Variants in SPRYD7 observed in about 807,000 individuals in gnomAD.
The protein encoded by SPRYD7 is SPRY domain-containing protein 7.
SPRYD7 carries 14 observed loss-of-function variants against 23.8 expected under a neutral mutation model. The ratio of observed to expected loss-of-function variants is 0.59; its 90% CI spans 0.39 to 0.92. The LOEUF (loss-of-function observed/expected upper bound fraction) is 0.92, where lower values mean the gene tolerates loss of function less well. Ranked by LOEUF, SPRYD7 falls within the 40% of genes least tolerant of loss-of-function variation. The pLI is 0.00. For missense variants in SPRYD7, 194 were observed against 241.7 expected (o/e 0.80, Z 1.31); for synonymous variants, 75 against 84.9 (o/e 0.88, Z 0.64).
chr13:49,935,443 T>C (rs541851134), intron 1 of SPRYD7, among the ~76,000 whole-genome samples: 1 of 152,222 alleles, frequency 6.6e-6, no homozygotes, highest in Admixed American at 6.5e-5. Flanking sequence ...TTAGATAAAT[T>C]ATATGGATTT....
intron 2 of SPRYD7, among the ~76,000 whole-genome samples, chr13:49,928,324 C>T (rs571478023): frequency 1.3e-5 from 2 of 152,142 alleles, no homozygotes; most frequent in East Asian, 3.8e-4. Flanking sequence ...TGCCTGTAAC[C>T]CCAGCTACTC....
intron 2 of SPRYD7, 75 bp from the exon 3 acceptor site, chr13:49,928,160 A>C (rs1955905469): frequency 9.7e-6 from 13 of 1,345,306 alleles, no homozygotes; most frequent in Non-Finnish European, 1.2e-5. Context: ...AGGGAGTATA[A>C]ACTTTTTAAA....
chr13:49,915,011 T>C lies in SPRYD7; in HGVS notation c.*52A>G. The C allele has an allele frequency of 9.6e-7, 1 of 1,039,386 alleles. No homozygotes were observed. Among genetic ancestry groups the C allele is most frequent in the South Asian group, 1.6e-5 (1 of 61,136 alleles). 64.4% of individuals were successfully genotyped at this position (1,039,386 alleles called of 1,614,324 possible). On this transcript the variant is annotated 3_prime_UTR_variant, in exon 5 of 5. Transcript: ENST00000361840. ...ATAGGCCAGGTAAAGTTTTATTAAATGATGAACATTTTTTAACAGTGCAGA... is the reference window on the plus strand; with the variant it reads ...ATAGGCCAGGTAAAGTTTTATTAAACGATGAACATTTTTTAACAGTGCAGA...
intron 2 of SPRYD7, 73 bp from the exon 3 acceptor site, chr13:49,928,158 T>A (rs1296160035): frequency 7.8e-5 from 104 of 1,338,076 alleles, no homozygotes; most frequent in Non-Finnish European, 1.1e-4. Context: ...AAAGGGAGTA[T>A]AAACTTTTTA....
At position 49,913,201 on chromosome 13, in the gene SPRYD7, C is replaced by T. The variant is rs1173172006; in HGVS notation, c.*1862G>A. ...CTTTGGGAGGCTGAGGGAGGTGGAT[C>T]ATGAGGTCAGGAGTTTGAGACCAGC... On this transcript the variant is annotated 3_prime_UTR_variant, in exon 5 of 5. Transcript: ENST00000361840. The T allele has an allele frequency of 1.3e-5, 2 of 152,116 alleles. No individual in the cohort carries two copies. Among genetic ancestry groups the T allele is most frequent in the African/African-American group, 4.8e-5 (2 of 41,424 alleles). 9.4% of individuals were successfully genotyped at this position (152,116 alleles called of 1,614,324 possible).
chr13:49,917,890 G>A (rs1004024460), intron 4 of SPRYD7, among the ~76,000 whole-genome samples: 2 of 152,084 alleles, frequency 1.3e-5, no homozygotes, highest in African/African-American at 4.8e-5. Flanking sequence ...GACACAGAAG[G>A]TAAAATGACT....
intron 1 of SPRYD7, among the ~76,000 whole-genome samples, chr13:49,934,511 T>C (rs1396314443): frequency 5.3e-5 from 7 of 132,172 alleles, no homozygotes; most frequent in Non-Finnish European, 1.1e-4. Flanking sequence ...GTGGAGATTG[T>C]GCCACAGCAC....
intron 4 of SPRYD7, among the ~76,000 whole-genome samples, chr13:49,916,433 A>G (rs905399546): frequency 6.6e-5 from 10 of 152,222 alleles, no homozygotes; most frequent in Admixed American, 3.3e-4. Flanking sequence ...GGTGGTTTCA[A>G]TTAGTGGTGT....
chr13:49,915,105 T>G lies in SPRYD7; in HGVS notation c.549A>C (p.Pro183=). 1 of 1,567,270 alleles carries G rather than the reference T, an allele frequency of 6.4e-7. No homozygotes were observed. Among genetic ancestry groups the G allele is most frequent in the Non-Finnish European group, 8.7e-7 (1 of 1,154,680 alleles). The part of the protein sequence containing the change: ...CQFSEFYHTP[P]PGFEKILFEQ... ...CAAATAATATTTTTTCAAAACCAGG[T>G]GGAGGCGTATGATAAAACTCACTGA... Residue 183 remains proline (P), a synonymous_variant, in exon 5 of 5, where the codon CCA becomes CCC. Coordinates refer to ENST00000361840, the MANE Select transcript of SPRYD7 (RefSeq NM_020456.4).
chr13:49,925,435 T>C (rs1024175294), intron 3 of SPRYD7, among the ~76,000 whole-genome samples: 5 of 152,022 alleles, frequency 3.3e-5, no homozygotes, highest in Non-Finnish European at 5.9e-5. Context: ...TATTATTACA[T>C]AGAATGTTTA....
At chr13:49,932,193 T>C in intron 1 of SPRYD7, among the ~76,000 whole-genome samples, 1 of 152,208 alleles carries the variant, frequency 6.6e-6, no homozygotes, top group East Asian at 1.9e-4. Flanking sequence ...TACAAGCTAC[T>C]ATACTTGTGC....
At chr13:49,935,319 T>C (rs147441058) in intron 1 of SPRYD7, among the ~76,000 whole-genome samples, 1 of 152,258 alleles carries the variant, frequency 6.6e-6, no homozygotes, top group East Asian at 1.9e-4. Flanking sequence ...ACTGAAATAA[T>C]TATATTGGGA....
intron 4 of SPRYD7, among the ~76,000 whole-genome samples, chr13:49,917,135 G>A (rs1353452445): frequency 4.6e-5 from 7 of 151,744 alleles, no homozygotes; most frequent in East Asian, 1.9e-4. Flanking sequence ...ACAGAGTCTC[G>A]CTCTGTCACC....
At position 49,918,553 on chromosome 13, in the gene SPRYD7, G is replaced by T. The variant is rs534552870; in HGVS notation, c.493+2925C>A. ...CTCCTGAGTAGTTGCGATTACAGGT[G>T]TGTGCCACCACACACGGTTTCACCA... On this transcript the variant is annotated intron_variant, in intron 4 of 4. Transcript: ENST00000361840. 1.2e-4 allele frequency among the ~76,000 whole-genome samples: 18 copies of T among 149,862 alleles called. 1 individual carries two copies. In the South Asian group the frequency reaches 2.1e-3, roughly 18 times the overall value.
In SPRYD7 at chr13:49,914,942, TAGAC is replaced by T; in HGVS notation, c.*117_*120del. On this transcript the variant is annotated 3_prime_UTR_variant, in exon 5 of 5. Coordinates refer to ENST00000361840, the MANE Select transcript of SPRYD7 (RefSeq NM_020456.4). ...TGGTATACTGAATACATTGGTTCCTTAGACAGCATCAACAAGCATATTTTTAAGA... is the reference window on the plus strand; with the variant it reads ...TGGTATACTGAATACATTGGTTCCTTAGCATCAACAAGCATATTTTTAAGA... The T allele has an allele frequency of 2.0e-6, 1 of 501,268 alleles. No individual in the cohort carries two copies. The highest frequency in any genetic ancestry group is 3.5e-6 in the Non-Finnish European group (1 of 282,702). The allele number at this position is 501,268 out of a possible 1,614,324, so 31.1% of individuals were successfully genotyped here. A position where few individuals can be genotyped will look rare whatever the true frequency, so the allele number is the denominator to read the frequency against.
chr13:49,929,187 G>T (rs1396095250), intron 2 of SPRYD7, among the ~76,000 whole-genome samples: 1 of 152,192 alleles, frequency 6.6e-6, no homozygotes, highest in Non-Finnish European at 1.5e-5. Context: ...GCTTGAGCCT[G>T]TAGTTTCAGC....
At chr13:49,918,864 G>A (rs563541714) in intron 4 of SPRYD7, among the ~76,000 whole-genome samples, 73 of 151,526 alleles carry the variant, frequency 4.8e-4, no homozygotes, top group Middle Eastern at 3.4e-3. Flanking sequence ...ACAGGAGTGC[G>A]CTACCACGTC....
intron 1 of SPRYD7, 114 bp downstream of exon 1, chr13:49,936,016 G>T: frequency 1.7e-6 from 1 of 572,792 alleles, no homozygotes; most frequent in Non-Finnish European, 2.8e-6. Flanking sequence ...TGGTGTCGGC[G>T]CAGCGTCGCC....
At chr13:49,926,076 G>A (rs1955879719) in intron 3 of SPRYD7, among the ~76,000 whole-genome samples, 2 of 152,078 alleles carry the variant, frequency 1.3e-5, no homozygotes, top group African/African-American at 4.8e-5. Context: ...GGTAAAATTT[G>A]TTCTCCAGTG....
Sources: allele counts gnomAD v4.1 joint callset (sites outside exome capture counted in the v4.1 genomes callset), GRCh38; gene constraint gnomAD v4.1.1; transcripts MANE v1.5; gene names NCBI Gene and HGNC (gene_info 2026-07-23, HGNC 2026-07-21).